The following LARP1 variants were observed in gnomAD, a reference collection of about 807,000 sequenced individuals.
The protein encoded by LARP1 is la-related protein 1.
LARP1 carries 36 observed loss-of-function variants against 122.7 expected under a neutral mutation model. That is an observed-to-expected ratio of 0.29 (90% CI 0.22 to 0.39). The LOEUF is 0.39. LARP1 is among the 10% of genes least tolerant of loss of function. The probability of loss-of-function intolerance (pLI) is 1.00; values close to 1 mark genes in which losing one functional copy is unlikely to be tolerated. For synonymous variants in LARP1, 539 were observed against 528.7 expected, an observed-to-expected ratio of 1.02 and a Z score of -0.27; for missense variants, 1,040 against 1,403.6, an observed-to-expected ratio of 0.74 and a Z score of 4.14.
chr5:154,757,018 G>A (rs1303352101), intron 1 of LARP1, among the ~76,000 whole-genome samples: 1 of 148,406 alleles, frequency 6.7e-6, no homozygotes, highest in Non-Finnish European at 1.5e-5. Flanking sequence ...GCGCCGCGCC[G>A]GCGGCCCGCG....
chr5:154,739,957 AGGAG>A (rs1169403112), intron 1 of LARP1, among the ~76,000 whole-genome samples: 4 of 150,260 alleles, frequency 2.7e-5, no homozygotes, highest in South Asian at 4.2e-4. Flanking sequence ...CCAGCACTTC[AGGAG>A]GCTGAGGCAG....
chr5:154,799,462 C>G, intron 8 of LARP1, 129 bp from the exon 9 acceptor site: 2 of 902,768 alleles, frequency 2.2e-6, no homozygotes. Context: ...AAGATGGTGT[C>G]AATTTTCTTA....
Position 154,755,728 on chromosome 5 carries a change from C to G in LARP1, c.-30C>G. The G allele has an allele frequency of 1.0e-6, 1 of 987,572 alleles. No individual in the cohort carries two copies. Among genetic ancestry groups the G allele is most frequent in the Non-Finnish European group, 1.2e-6 (1 of 830,416 alleles). 61.2% of individuals were successfully genotyped at this position (987,572 alleles called of 1,614,324 possible). A position where few individuals can be genotyped will look rare whatever the true frequency, so the allele number is the denominator to read the frequency against. ...GGCGGGGGAGGCAGCCTCGGGCGCGCCCGGCTTCTCCGGGGGGGCGGGCGC... is the reference window on the plus strand; with the variant it reads ...GGCGGGGGAGGCAGCCTCGGGCGCGGCCGGCTTCTCCGGGGGGGCGGGCGC... On this transcript the variant is annotated 5_prime_UTR_variant, in exon 1 of 19. Transcript: ENST00000518297.
In LARP1 at chr5:154,755,510, C is replaced by T. The variant is rs1476416943; in HGVS notation, c.-248C>T. The T allele has an allele frequency of 4.1e-6, 4 of 975,632 alleles. No homozygotes were observed. The African/African-American group carries it at 5.3e-5, about 13-fold the overall frequency. 60.4% of individuals were successfully genotyped at this position (975,632 alleles called of 1,614,324 possible). A position where few individuals can be genotyped will look rare whatever the true frequency, so the allele number is the denominator to read the frequency against. On this transcript the variant is annotated 5_prime_UTR_variant, in exon 1 of 19. In the 5' UTR this introduces an upstream ATG that the reference lacks. Transcript: ENST00000518297. ...CGAGGAACGGGCGGGGGGGGACGCA[C>T]GCCTAGGAGGCCTGGACTGCAGAGT...
chr5:154,756,559 AG>A (rs1753930906), intron 1 of LARP1: 1 of 949,788 alleles, frequency 1.1e-6, no homozygotes, highest in African/African-American at 1.8e-5. Flanking sequence ...TTCCTCTGGA[AG>A]CCCCTCTTCC....
At chr5:154,752,468 C>T (rs1389522951), upstream of LARP1, among the ~76,000 whole-genome samples, 1 of 152,030 alleles carries the variant, frequency 6.6e-6, no homozygotes, top group Non-Finnish European at 1.5e-5. Flanking sequence ...GTCTTGAACT[C>T]ATGACCTCAG....
At chr5:154,797,141 T>A (rs886389183) in intron 8 of LARP1, among the ~76,000 whole-genome samples, 1 of 151,884 alleles carries the variant, frequency 6.6e-6, no homozygotes, top group African/African-American at 2.4e-5. Context: ...TGCTACTTGG[T>A]TGGTCATTCT....
At chr5:154,796,021 T>G (rs1582440014) in intron 8 of LARP1, among the ~76,000 whole-genome samples, 1 of 98,210 alleles carries the variant, frequency 1.0e-5, no homozygotes, top group South Asian at 2.8e-4. Context: ...ATTTATATAT[T>G]ATATATATTT....
At chr5:154,685,299 G>T (rs1309309321) in intron 1 of LARP1, among the ~76,000 whole-genome samples, 1 of 151,600 alleles carries the variant, frequency 6.6e-6, no homozygotes, top group African/African-American at 2.4e-5. Flanking sequence ...GCCATGCAGG[G>T]TGGTCACTGC....
intron 1 of LARP1, among the ~76,000 whole-genome samples, chr5:154,720,704 C>A (rs963362014): frequency 1.3e-5 from 2 of 151,800 alleles, no homozygotes; most frequent in East Asian, 3.9e-4. Flanking sequence ...AGAGAGAGAC[C>A]GTGTCTTGGG....
chr5:154,684,404 C>A (rs1392239399), intron 1 of LARP1, among the ~76,000 whole-genome samples: 1 of 152,120 alleles, frequency 6.6e-6, no homozygotes. Flanking sequence ...CCCCTATACT[C>A]TAGCCTGGGC....
At chr5:154,751,771 C>T, upstream of LARP1, among the ~76,000 whole-genome samples, 1 of 151,938 alleles carries the variant, frequency 6.6e-6, no homozygotes, top group East Asian at 1.9e-4. Context: ...TCTTACTGTG[C>T]CTAATTTATA....
rs915757734 is a variant in LARP1 at position 154,814,339 on chromosome 5, G to C, written c.*243G>C. ...TCTTGACATCCTAGCTTCTTCTAAG[G>C]GGGGAGGGAAAGGGGGGAGATTTTT... On this transcript the variant is annotated 3_prime_UTR_variant, in exon 19 of 19. Coordinates refer to ENST00000518297, the MANE Select transcript of LARP1 (RefSeq NM_033551.3). The C allele has an allele frequency of 7.6e-5, 28 of 369,464 alleles. No individual in the cohort carries two copies. The highest frequency in any genetic ancestry group is 4.5e-4 in the African/African-American group (22 of 48,540). The allele number at this position is 369,464 out of a possible 1,614,324, so 22.9% of individuals were successfully genotyped here. A position where few individuals can be genotyped will look rare whatever the true frequency, so the allele number is the denominator to read the frequency against.
intron 3 of LARP1, among the ~76,000 whole-genome samples, chr5:154,792,179 T>G (rs541664434): frequency 1.3e-5 from 2 of 152,338 alleles, no homozygotes; most frequent in East Asian, 3.9e-4. Context: ...TCCTAGTCAG[T>G]TCTCTTCTTC....
intron 1 of LARP1, among the ~76,000 whole-genome samples, chr5:154,717,880 C>G (rs962742762): frequency 2.0e-5 from 3 of 152,120 alleles, no homozygotes; most frequent in African/African-American, 7.2e-5. Context: ...CATATACACA[C>G]ACACACACAC....
intron 16 of LARP1, among the ~76,000 whole-genome samples, chr5:154,809,608 A>G (rs926431047): frequency 6.6e-6 from 1 of 152,010 alleles, no homozygotes; most frequent in Admixed American, 6.6e-5. Context: ...GGCTCATTCT[A>G]CGTCTAACAT....
intron 1 of LARP1, among the ~76,000 whole-genome samples, chr5:154,770,321 T>C (rs1755295744): frequency 6.6e-6 from 1 of 151,912 alleles, no homozygotes; most frequent in Non-Finnish European, 1.5e-5. Flanking sequence ...TATTTCCTCC[T>C]CACTTCTCAC....
intron 1 of LARP1, among the ~76,000 whole-genome samples, chr5:154,785,377 TC>T (rs1246290901): frequency 6.6e-6 from 1 of 152,144 alleles, no homozygotes; most frequent in Non-Finnish European, 1.5e-5. Context: ...TTGGTGTATC[TC>T]CCCCCATCCC....
At chr5:154,726,557 A>G (rs569791857) in intron 1 of LARP1, among the ~76,000 whole-genome samples, 1 of 152,348 alleles carries the variant, frequency 6.6e-6, no homozygotes, top group Non-Finnish European at 1.5e-5. Context: ...GAATTTCTGC[A>G]TATAAGTACA....
Sources: allele counts gnomAD v4.1 joint callset (sites outside exome capture counted in the v4.1 genomes callset), GRCh38; gene constraint gnomAD v4.1.1; transcripts MANE v1.5; gene names NCBI Gene and HGNC (gene_info 2026-07-23, HGNC 2026-07-21).